DCUN1D5: variants seen among roughly 807,000 people sequenced by gnomAD.
DCUN1D5 encodes the protein DCN1-like protein 5.
Under a neutral mutation model 38.3 loss-of-function variants are expected in DCUN1D5, and 10 were observed. The ratio of observed to expected loss-of-function variants is 0.26; its 90% CI spans 0.16 to 0.44. DCUN1D5 has a LOEUF of 0.44. DCUN1D5 is among the 20% of genes least tolerant of loss of function. The probability of loss-of-function intolerance (pLI) is 1.00; values close to 1 mark genes in which losing one functional copy is unlikely to be tolerated. For synonymous variants in DCUN1D5, 93 were observed against 90.9 expected, an observed-to-expected ratio of 1.02 and a Z score of -0.13; for missense variants, 148 against 275.3, an observed-to-expected ratio of 0.54 and a Z score of 3.27.
rs1861863836 is a variant in DCUN1D5, at chr11:103,055,963, A to G, written c.*6396T>C. ...AGTCTTCGCCATCTTATTAATGCCC[A>G]CTTCATTCTTCAAGCCAAAAACCTT... On this transcript the variant is annotated 3_prime_UTR_variant, in exon 8 of 8. Transcript: ENST00000260247. Among the ~76,000 whole-genome samples, 1 of 152,124 alleles carries G rather than the reference A, an allele frequency of 6.6e-6. No individual in the cohort carries two copies. Among genetic ancestry groups the G allele is most frequent in the African/African-American group, 2.4e-5 (1 of 41,426 alleles).
chr11:103,069,960 T>C (rs1429271133), intron 4 of DCUN1D5, among the ~76,000 whole-genome samples: 1 of 152,104 alleles, frequency 6.6e-6, no homozygotes, highest in African/African-American at 2.4e-5. Context: ...AACCAAGATC[T>C]CAAATGGAAT....
chr11:103,052,561 T>C lies in DCUN1D5; in HGVS notation c.*9798A>G, dbSNP rs191099746. The C allele has an allele frequency of 6.6e-6, 1 of 152,248 alleles. No individual in the cohort carries two copies. Among genetic ancestry groups the C allele is most frequent in the Non-Finnish European group, 1.5e-5 (1 of 68,008 alleles). 9.4% of individuals were successfully genotyped at this position (152,248 alleles called of 1,614,324 possible). The stretch of plus-strand genomic sequence containing the variant: ...TTTTATCCTGTGTAATAAGAGGGCA[T>C]AGCAAAGCCTGGGCCTATGGATATT... On this transcript the variant is annotated 3_prime_UTR_variant, in exon 8 of 8. Coordinates refer to ENST00000260247, the MANE Select transcript of DCUN1D5 (RefSeq NM_032299.4).
intron 4 of DCUN1D5, among the ~76,000 whole-genome samples, chr11:103,068,911 AC>A (rs1384306498): frequency 1.3e-5 from 2 of 152,170 alleles, no homozygotes; most frequent in African/African-American, 4.8e-5. Flanking sequence ...TGTATATGAC[AC>A]CTTGACAAGA....
intron 4 of DCUN1D5, among the ~76,000 whole-genome samples, chr11:103,068,131 A>G (rs1862179207): frequency 1.3e-5 from 2 of 152,196 alleles, no homozygotes; most frequent in African/African-American, 4.8e-5. Flanking sequence ...TAAAATTTAT[A>G]ACATTTTCTA....
chr11:103,057,741 T>C lies in DCUN1D5; in HGVS notation c.*4618A>G, dbSNP rs1395744774. Among the ~76,000 whole-genome samples, 2 of 151,662 alleles carry C rather than the reference T, an allele frequency of 1.3e-5. No homozygotes were observed. The highest frequency in any genetic ancestry group is 4.9e-5 in the African/African-American group (2 of 41,198). On this transcript the variant is annotated 3_prime_UTR_variant, in exon 8 of 8. Transcript: ENST00000260247. The surrounding 1 kb of genome is among the most constrained non-coding windows in gnomAD (Gnocchi z 4.8). Reference sequence around the variant, plus strand: ...TCTCCAAAAAAAAAAAGGGAAAAGTTAATTATGGCTAATATTCTACACAAA... The same window carrying C: ...TCTCCAAAAAAAAAAAGGGAAAAGTCAATTATGGCTAATATTCTACACAAA...
In DCUN1D5 at chr11:103,060,016, T is replaced by C. The variant is rs1221169062; in HGVS notation, c.*2343A>G. Reference sequence around the variant, plus strand: ...AGGGTCCTTAATATTGTATTGTTTATATCACTTAACATTTTTGATCATAAA... The same window carrying C: ...AGGGTCCTTAATATTGTATTGTTTACATCACTTAACATTTTTGATCATAAA... On this transcript the variant is annotated 3_prime_UTR_variant, in exon 8 of 8. Coordinates refer to ENST00000260247, the MANE Select transcript of DCUN1D5 (RefSeq NM_032299.4). Among the ~76,000 whole-genome samples, 2 of 152,190 alleles carry C rather than the reference T, an allele frequency of 1.3e-5. No homozygotes were observed. Among genetic ancestry groups the C allele is most frequent in the Non-Finnish European group, 2.9e-5 (2 of 68,034 alleles).
In DCUN1D5 at chr11:103,091,630, C is replaced by G. The variant is rs1163008383; in HGVS notation, c.86+157G>C. The G allele has an allele frequency of 5.8e-6, 8 of 1,385,562 alleles. No homozygotes were observed. Among genetic ancestry groups the G allele is most frequent in the Non-Finnish European group, 8.0e-6 (8 of 1,006,090 alleles). 85.8% of individuals were successfully genotyped at this position (1,385,562 alleles called of 1,614,324 possible). A position where few individuals can be genotyped will look rare whatever the true frequency, so the allele number is the denominator to read the frequency against. On this transcript the variant is annotated intron_variant, in intron 1 of 7. Transcript: ENST00000260247. The surrounding 1 kb of genome is among the most constrained non-coding windows in gnomAD (Gnocchi z 4.3). The stretch of plus-strand genomic sequence containing the variant: ...CTCGAACACGAGGTCGGGTCGGGCG[C>G]GGAGACTCGCGGTGTTCGGCACCTA...
Position 103,087,841 on chromosome 11 carries a change from A to G in DCUN1D5, c.178+1386T>C, listed in dbSNP as rs536157795. ...CCTAGGAAAGTTCCTAGTTGAGGCA[A>G]ATATTTTCTATTTCTATTGTATCTA... On this transcript the variant is annotated intron_variant, in intron 2 of 7. Transcript: ENST00000260247. The surrounding 1 kb of genome is among the most constrained non-coding windows in gnomAD (Gnocchi z 4.1). 1.3e-5 allele frequency among the ~76,000 whole-genome samples: 2 copies of G among 152,320 alleles called. No individual in the cohort carries two copies. Among genetic ancestry groups the G allele is most frequent in the African/African-American group, 4.8e-5 (2 of 41,570 alleles).
In DCUN1D5 at chr11:103,062,427, A is replaced by G; in HGVS notation, c.659-13T>C. On this transcript the variant is annotated splice_polypyrimidine_tract_variant and intron_variant, in intron 7 of 7. Transcript: ENST00000260247. This position sits in a 1 kb window ranked among gnomAD's most constrained non-coding sequence, Gnocchi z 4.6. ...AGAAGAACAGGCCCTAGAAAAAAAG[A>G]AACCATTTTTGTCAGAATTCAGTGA... The G allele has an allele frequency of 6.2e-7, 1 of 1,610,190 alleles. No individual in the cohort carries two copies. The highest frequency in any genetic ancestry group is 1.3e-5 in the African/African-American group (1 of 74,630).
rs1032250818 is a variant in DCUN1D5 at position 103,066,845 on chromosome 11, A to G, written c.342-278T>C. On this transcript the variant is annotated intron_variant, in intron 4 of 7. Transcript: ENST00000260247. This position sits in a 1 kb window ranked among gnomAD's most constrained non-coding sequence, Gnocchi z 4.7. ...AAACAAACAAACAGCTCATTCAAAA[A>G]TTCCAAATAAAATCGAAGTTAAAAA... Among the ~76,000 whole-genome samples the G allele has an allele frequency of 6.6e-6, 1 of 152,194 alleles. No homozygotes were observed. Among genetic ancestry groups the G allele is most frequent in the African/African-American group, 2.4e-5 (1 of 41,454 alleles).
At chr11:103,074,495 T>A (rs1591215120) in intron 4 of DCUN1D5, among the ~76,000 whole-genome samples, 1 of 152,102 alleles carries the variant, frequency 6.6e-6, no homozygotes, top group East Asian at 1.9e-4. Context: ...AACCTCCACC[T>A]CCCCGGTTCA....
chr11:103,053,019 A>G lies in DCUN1D5; in HGVS notation c.*9340T>C, dbSNP rs1441782080. The G allele has an allele frequency of 6.6e-6, 1 of 152,110 alleles. No homozygotes were observed. The highest frequency in any genetic ancestry group is 1.5e-5 in the Non-Finnish European group (1 of 67,982). The allele number at this position is 152,110 out of a possible 1,614,324, so 9.4% of individuals were successfully genotyped here. The stretch of plus-strand genomic sequence containing the variant: ...AGTATTTTAGCTTTCTGTTTTAAAT[A>G]CTGTGCTTCTAGGTAAAACTTATTT... On this transcript the variant is annotated 3_prime_UTR_variant, in exon 8 of 8. Coordinates refer to ENST00000260247, the MANE Select transcript of DCUN1D5 (RefSeq NM_032299.4). The surrounding 1 kb of genome is among the most constrained non-coding windows in gnomAD (Gnocchi z 4.8).
intron 1 of DCUN1D5, among the ~76,000 whole-genome samples, chr11:103,090,679 G>A (rs1342938955): frequency 6.6e-6 from 1 of 152,200 alleles, no homozygotes; most frequent in African/African-American, 2.4e-5. Flanking sequence ...TTGGGAGGCC[G>A]AGGCGGGCGG....
In DCUN1D5 at chr11:103,062,778, A is replaced by G. The variant is rs1862044745; in HGVS notation, c.659-364T>C. On this transcript the variant is annotated intron_variant, in intron 7 of 7. Coordinates refer to ENST00000260247, the MANE Select transcript of DCUN1D5 (RefSeq NM_032299.4). The surrounding 1 kb of genome is among the most constrained non-coding windows in gnomAD (Gnocchi z 4.6). ...ATATTTCTATGTTGCCTCCCCAAGAAGTGTACAAGCTTGTTGAGAGGGATC... is the reference window on the plus strand; with the variant it reads ...ATATTTCTATGTTGCCTCCCCAAGAGGTGTACAAGCTTGTTGAGAGGGATC... Among the ~76,000 whole-genome samples, 1 of 152,134 alleles carries G rather than the reference A, an allele frequency of 6.6e-6. No homozygotes were observed. Among genetic ancestry groups the G allele is most frequent in the Non-Finnish European group, 1.5e-5 (1 of 67,978 alleles).
At chr11:103,082,034 ATAAC>A (rs1277204170) in intron 4 of DCUN1D5, among the ~76,000 whole-genome samples, 3 of 152,124 alleles carry the variant, frequency 2.0e-5, no homozygotes, top group East Asian at 1.9e-4. Context: ...TAGAATGTTG[ATAAC>A]TAATACCCTG....
At position 103,091,845 on chromosome 11, in the gene DCUN1D5, G is replaced by A. The variant is rs757062287; in HGVS notation, c.28C>T (p.Pro10Ser). Residue 10 changes from proline to serine, a missense_variant, in exon 1 of 8, where the codon CCT becomes TCT. By Grantham distance (74) the Pro-to-Ser change is moderately conservative. Transcript: ENST00000260247. The surrounding 1 kb of genome is among the most constrained non-coding windows in gnomAD (Gnocchi z 4.3). The part of the protein sequence containing the change: MPVKKKRKS[P>S]GVAAAVAEDG... ...TCCGCTACTGCTGCTGCCACCCCAG[G>A]GGATTTTCTCTTCTTCTTCACCGGC... 40 of 1,613,790 alleles carry A rather than the reference G, an allele frequency of 2.5e-5. No homozygotes were observed. The Admixed American group carries it at 6.0e-4, about 24-fold the overall frequency.
rs905157644 is a variant in DCUN1D5 at position 103,091,024 on chromosome 11, C to A, written c.86+763G>T. On this transcript the variant is annotated intron_variant, in intron 1 of 7. Coordinates refer to ENST00000260247, the MANE Select transcript of DCUN1D5 (RefSeq NM_032299.4). This position sits in a 1 kb window ranked among gnomAD's most constrained non-coding sequence, Gnocchi z 4.3. ...CCTCCATGATATGCTACAAGGGGAT[C>A]AAAGAGCTACTACTATATAGTTCTG... 6.6e-6 allele frequency among the ~76,000 whole-genome samples: 1 copy of A among 152,182 alleles called. No homozygotes were observed.
chr11:103,091,710 C>G lies in DCUN1D5; in HGVS notation c.86+77G>C. The G allele has an allele frequency of 6.2e-7, 1 of 1,611,006 alleles. No homozygotes were observed. The highest frequency in any genetic ancestry group is 8.5e-7 in the Non-Finnish European group (1 of 1,178,396). On this transcript the variant is annotated intron_variant, in intron 1 of 7. Transcript: ENST00000260247. This position sits in a 1 kb window ranked among gnomAD's most constrained non-coding sequence, Gnocchi z 4.3. ...TGTCTCCAGCCCCAGCCCGGCAGGCCGGGCCCGACTCCTTTTCCTCCAGTT... is the reference window on the plus strand; with the variant it reads ...TGTCTCCAGCCCCAGCCCGGCAGGCGGGGCCCGACTCCTTTTCCTCCAGTT...
intron 4 of DCUN1D5, among the ~76,000 whole-genome samples, chr11:103,067,279 C>A (rs558125253): frequency 1.3e-5 from 2 of 152,214 alleles, no homozygotes; most frequent in South Asian, 4.2e-4. Context: ...CACTGTTTAG[C>A]AAGAAGCAAG....
Sources: allele counts gnomAD v4.1 joint callset (sites outside exome capture counted in the v4.1 genomes callset), GRCh38; gene constraint gnomAD v4.1.1; non-coding constraint Gnocchi (gnomAD v3.1); transcripts MANE v1.5; gene names NCBI Gene and HGNC (gene_info 2026-07-23, HGNC 2026-07-21).